Variants in ALPK2 observed in about 807,000 individuals in gnomAD.
The protein encoded by ALPK2 is alpha-protein kinase 2.
Under a neutral mutation model 163.1 loss-of-function variants are expected in ALPK2, and 127 were observed. The ratio of observed to expected loss-of-function variants is 0.78; its 90% CI spans 0.67 to 0.90. ALPK2 has a LOEUF of 0.90. Ranked by LOEUF, ALPK2 falls within the 40% of genes least tolerant of loss-of-function variation. ALPK2 has a pLI of 0.00. For synonymous variants in ALPK2, 953 were observed against 959.1 expected (o/e 0.99, Z 0.12); for missense variants, 2,360 against 2,589.6 (o/e 0.91, Z 1.92).
In ALPK2 at chr18:58,536,431, T is replaced by C; in HGVS notation, c.3756A>G (p.Arg1252=). The C allele has an allele frequency of 6.2e-7, 1 of 1,614,188 alleles. No homozygotes were observed. Among genetic ancestry groups the C allele is most frequent in the Non-Finnish European group, 8.5e-7 (1 of 1,180,018 alleles). ...EASASEIWPP[R]QLTNSESKAS... is the part of the protein sequence containing the mutation. ...CCTTGCTCTCAGAATTTGTCAGTTG[T>C]CGTGGTGGCCAGATTTCAGAAGCGG... Residue 1252 remains arginine, a synonymous_variant, in exon 5 of 13, where the codon CGA becomes CGG. Coordinates refer to ENST00000361673, the MANE Select transcript of ALPK2 (RefSeq NM_052947.4).
Position 58,534,843 on chromosome 18 carries a change from C to T in ALPK2, c.5344G>A (p.Glu1782Lys), listed in dbSNP as rs769911769. Residue 1782 changes from glutamate to lysine, a missense_variant, in exon 5 of 13, where the codon GAA becomes AAA. Coordinates refer to ENST00000361673, the MANE Select transcript of ALPK2 (RefSeq NM_052947.4). Reference protein sequence around the residue: ...QDPKKPSCKREGRAPVLLKKI... With the variant: ...QDPKKPSCKRKGRAPVLLKKI... Reference sequence around the variant, plus strand: ...AGCAACAGAACCTCACCTCTTCCTTCTCTTTTGCAAGATGGCTTTTTTGGG... The same window carrying T: ...AGCAACAGAACCTCACCTCTTCCTTTTCTTTTGCAAGATGGCTTTTTTGGG... 1 of 1,607,624 alleles carries T rather than the reference C, an allele frequency of 6.2e-7. No individual in the cohort carries two copies. The highest frequency in any genetic ancestry group is 8.5e-7 in the Non-Finnish European group (1 of 1,177,676).
chr18:58,561,744 G>A (rs1006915716), intron 4 of ALPK2, among the ~76,000 whole-genome samples: 1 of 152,176 alleles, frequency 6.6e-6, no homozygotes, highest in African/African-American at 2.4e-5. Flanking sequence ...CCCCATTGGT[G>A]GAGGACTTTC....
In ALPK2 at chr18:58,535,214, C is replaced by T. The variant is rs886991413; in HGVS notation, c.4973G>A (p.Gly1658Glu). ...AGGGGCTTTCTCTAACTCACGTTCT[C>T]CTGAAATAAATGCCAAGGTCTTCGC... ...SSAKTLAFIS[G>E]ERELEKAPKL... The change falls in exon 5 of 13, where the codon GGA (glycine) becomes GAA (glutamate). Residue 1658 changes from glycine to glutamate, a missense_variant. Physicochemically the swap from Gly to Glu is moderately conservative, Grantham distance 98. Transcript: ENST00000361673. 6.2e-7 allele frequency: 1 copy of T among 1,614,098 alleles called. No homozygotes were observed. The highest frequency in any genetic ancestry group is 8.5e-7 in the Non-Finnish European group (1 of 1,180,026).
intron 5 of ALPK2, among the ~76,000 whole-genome samples, chr18:58,531,107 A>G (rs184710290): frequency 1.5e-4 from 23 of 152,270 alleles, no homozygotes; most frequent in African/African-American, 5.1e-4. Flanking sequence ...AGGTGGGAGG[A>G]TCGGTTGAGC....
At chr18:58,533,798 G>A (rs2051628675) in intron 5 of ALPK2, among the ~76,000 whole-genome samples, 1 of 152,100 alleles carries the variant, frequency 6.6e-6, no homozygotes, top group Non-Finnish European at 1.5e-5. Flanking sequence ...CTAATAACCT[G>A]ATTGGATACT....
intron 1 of ALPK2, among the ~76,000 whole-genome samples, chr18:58,621,699 G>A (rs968899941): frequency 2.0e-5 from 3 of 152,174 alleles, no homozygotes; most frequent in African/African-American, 4.8e-5. Context: ...CTGGAAGGAG[G>A]CCTAAGTGTG....
At chr18:58,526,227 T>C (rs1300466560) in intron 6 of ALPK2, among the ~76,000 whole-genome samples, 7 of 152,172 alleles carry the variant, frequency 4.6e-5, no homozygotes, top group Non-Finnish European at 8.8e-5. Context: ...GAAGCCCATG[T>C]CCAGAGTGTG....
rs557458293 is a variant in ALPK2, at chr18:58,606,000, A to G, written c.227+1322T>C. ...GAATAGATGAGTAATGGGTATCTCA[A>G]ATGTTAGGCTAGATATGCTGTAAGT... On this transcript the variant is annotated intron_variant, in intron 3 of 12. Coordinates refer to ENST00000361673, the MANE Select transcript of ALPK2 (RefSeq NM_052947.4). Among the ~76,000 whole-genome samples, 5 of 152,374 alleles carry G rather than the reference A, an allele frequency of 3.3e-5. No individual in the cohort carries two copies. The South Asian group carries it at 1.0e-3, about 32-fold the overall frequency.
rs2051335201 is a variant in ALPK2 at position 58,485,721 on chromosome 18, G to GCT, written c.6297-3684_6297-3683dup. The stretch of plus-strand genomic sequence containing the variant: ...GTCAGTGTTTCCTGTATGCCTGAGC[G>GCT]CTCTCTCCCTGGTGAGACGCAGGGC... On this transcript the variant is annotated intron_variant, in intron 12 of 12. Transcript: ENST00000361673. Among the ~76,000 whole-genome samples the GCT allele has an allele frequency of 2.0e-5, 3 of 152,282 alleles. No homozygotes were observed. In the South Asian group the frequency reaches 6.2e-4, roughly 32 times the overall value.
intron 3 of ALPK2, among the ~76,000 whole-genome samples, chr18:58,583,587 G>A (rs2051970719): frequency 6.6e-6 from 1 of 152,016 alleles, no homozygotes; most frequent in South Asian, 2.1e-4. Flanking sequence ...GCTGAAGTGG[G>A]AGAATCAGTT....
intron 11 of ALPK2, among the ~76,000 whole-genome samples, chr18:58,502,133 TCCACACACACACACAC>T (rs1445464058): frequency 2.4e-5 from 2 of 83,544 alleles, no homozygotes; most frequent in South Asian, 3.7e-4. Context: ...AAACCCCATC[TCCACACACACACACAC>T]ACACACACAC....
At chr18:58,492,236 GGACACA>G (rs1453557354) in intron 12 of ALPK2, among the ~76,000 whole-genome samples, 20 of 151,478 alleles carry the variant, frequency 1.3e-4, no homozygotes, top group African/African-American at 4.8e-4. Context: ...ACATACACAG[GGACACA>G]GACACAGAAA....
intron 3 of ALPK2, among the ~76,000 whole-genome samples, chr18:58,585,178 A>G (rs920314463): frequency 1.3e-5 from 2 of 152,208 alleles, no homozygotes; most frequent in African/African-American, 4.8e-5. Flanking sequence ...TTTGGTTTCA[A>G]GACTCTTTAA....
chr18:58,583,068 A>T (rs2144202623), intron 3 of ALPK2, among the ~76,000 whole-genome samples: 1 of 152,318 alleles, frequency 6.6e-6, no homozygotes, highest in African/African-American at 2.4e-5. Context: ...AGGGAAGGAG[A>T]ATCACTACAG....
intron 1 of ALPK2, 24 bp from the exon 2 acceptor site, chr18:58,611,841 C>A: frequency 7.6e-7 from 1 of 1,318,000 alleles, no homozygotes; most frequent in Non-Finnish European, 1.1e-6. Flanking sequence ...AAATCCCCGA[C>A]ATCACCATTT....
At chr18:58,555,061 C>G (rs986038469) in intron 4 of ALPK2, among the ~76,000 whole-genome samples, 1 of 152,162 alleles carries the variant, frequency 6.6e-6, no homozygotes. Context: ...AACCCAGTCT[C>G]GGGTATCTGT....
At chr18:58,587,510 A>G (rs2144206595) in intron 3 of ALPK2, among the ~76,000 whole-genome samples, 1 of 152,374 alleles carries the variant, frequency 6.6e-6, no homozygotes, top group East Asian at 1.9e-4. Flanking sequence ...AAGAGCTGAA[A>G]AAAAGTATGA....
At chr18:58,514,051 G>A (rs913091130) in intron 10 of ALPK2, among the ~76,000 whole-genome samples, 4 of 152,124 alleles carry the variant, frequency 2.6e-5, no homozygotes, top group South Asian at 4.1e-4. Context: ...TGGGAAGAGC[G>A]GGGCTTGGGG....
intron 12 of ALPK2, among the ~76,000 whole-genome samples, chr18:58,483,528 AC>A (rs2051322260): frequency 2.1e-5 from 2 of 97,026 alleles, no homozygotes; most frequent in Non-Finnish European, 4.1e-5. Flanking sequence ...AGTCCTACTC[AC>A]TTTATTTATT....
Sources: gnomAD v4.1 joint callset for allele counts (sites outside exome capture counted in the v4.1 genomes callset) on GRCh38, gnomAD v4.1.1 for gene constraint, MANE v1.5 for transcripts, NCBI Gene and HGNC (gene_info 2026-07-23, HGNC 2026-07-21) for gene names.